Variants in MEGF10 observed in about 807,000 individuals in gnomAD.
MEGF10 encodes multiple epidermal growth factor-like domains protein 10.
MEGF10 carries 86 observed loss-of-function variants against 147.5 expected under a neutral mutation model. The observed-to-expected ratio is 0.58, with a 90% CI of 0.49 to 0.70. The LOEUF (loss-of-function observed/expected upper bound fraction) is 0.70. Ranked by LOEUF, MEGF10 falls within the 30% of genes least tolerant of loss-of-function variation. The pLI is 0.00. For synonymous variants in MEGF10, 478 were observed against 525.5 expected, an observed-to-expected ratio of 0.91 and a Z score of 1.24; for missense variants, 1,329 against 1,487.3, an observed-to-expected ratio of 0.89 and a Z score of 1.75.
At chr5:127,395,101 T>G (rs1763850321) in intron 5 of MEGF10, among the ~76,000 whole-genome samples, 2 of 152,202 alleles carry the variant, frequency 1.3e-5, no homozygotes, top group South Asian at 4.1e-4. Flanking sequence ...GCAGTTTATT[T>G]TGAGCTCTAG....
chr5:127,460,853 T>A lies in MEGF10; in HGVS notation c.*3535T>A, dbSNP rs1766534718. ...TCTTAAAGGCTTCACATCATGAAAG[T>A]GTACATGCATATGCAAGTGTGAATT... is the stretch of plus-strand genomic sequence containing the variant. On this transcript the variant is annotated 3_prime_UTR_variant, in exon 25 of 25. Transcript: ENST00000503335. 1 of 152,224 alleles carries A rather than the reference T, an allele frequency of 6.6e-6. No individual in the cohort carries two copies. The highest frequency in any genetic ancestry group is 2.4e-5 in the African/African-American group (1 of 41,458). 9.4% of individuals were successfully genotyped at this position (152,224 alleles called of 1,614,324 possible). A position where few individuals can be genotyped will look rare whatever the true frequency, so the allele number is the denominator to read the frequency against.
chr5:127,405,809 TAGC>T (rs1764300424), intron 8 of MEGF10, among the ~76,000 whole-genome samples: 1 of 152,176 alleles, frequency 6.6e-6, no homozygotes, highest in African/African-American at 2.4e-5. Context: ...TTGTTAATAG[TAGC>T]TGCTTAATTT....
intron 8 of MEGF10, among the ~76,000 whole-genome samples, chr5:127,403,912 A>G (rs1298505656): frequency 6.6e-6 from 1 of 152,248 alleles, no homozygotes; most frequent in African/African-American, 2.4e-5. Flanking sequence ...ATAGGAGTGC[A>G]GATATCACTT....
At chr5:127,328,163 CTTCTCTCCT>C (rs1306806348) in intron 1 of MEGF10, among the ~76,000 whole-genome samples, 4 of 152,116 alleles carry the variant, frequency 2.6e-5, no homozygotes, top group African/African-American at 9.7e-5. Context: ...TGTGAGATGT[CTTCTCTCCT>C]CATCGTCTAT....
At chr5:127,352,751 T>G (rs1762129718) in intron 4 of MEGF10, among the ~76,000 whole-genome samples, 1 of 152,220 alleles carries the variant, frequency 6.6e-6, no homozygotes, top group Non-Finnish European at 1.5e-5. Flanking sequence ...ACAGTGAGAC[T>G]GCCTTGTTCT....
At chr5:127,413,816 A>G (rs985611693) in intron 9 of MEGF10, among the ~76,000 whole-genome samples, 3 of 152,208 alleles carry the variant, frequency 2.0e-5, no homozygotes, top group Non-Finnish European at 4.4e-5. Flanking sequence ...TTTGGTGTCA[A>G]TCAGTCTGAA....
chr5:127,428,529 G>A (rs1330877095), intron 13 of MEGF10, among the ~76,000 whole-genome samples: 2 of 152,122 alleles, frequency 1.3e-5, no homozygotes, highest in Non-Finnish European at 2.9e-5. Flanking sequence ...ACTACACTAT[G>A]CCACTGCTTT....
chr5:127,360,647 G>A (rs925671061), intron 4 of MEGF10, among the ~76,000 whole-genome samples: 8 of 151,790 alleles, frequency 5.3e-5, no homozygotes, highest in Non-Finnish European at 1.0e-4. Flanking sequence ...TTGAGGAAAC[G>A]CCCTTCTGTT....
chr5:127,374,396 G>T (rs1366065198), intron 5 of MEGF10, among the ~76,000 whole-genome samples: 1 of 152,168 alleles, frequency 6.6e-6, no homozygotes, highest in Non-Finnish European at 1.5e-5. Flanking sequence ...TTGTAGAGCA[G>T]GCAATGAAGG....
intron 24 of MEGF10, among the ~76,000 whole-genome samples, chr5:127,456,234 A>G (rs1272430431): frequency 6.6e-6 from 1 of 152,202 alleles, no homozygotes; most frequent in Non-Finnish European, 1.5e-5. Flanking sequence ...ATTTAGCAAG[A>G]TTGAAACATT....
Position 127,383,795 on chromosome 5 carries a change from G to A in MEGF10, c.413-12737G>A, listed in dbSNP as rs567393329. 3.3e-5 allele frequency among the ~76,000 whole-genome samples: 5 copies of A among 152,306 alleles called. No homozygotes were observed. In the South Asian group the frequency reaches 1.0e-3, roughly 32 times the overall value. ...GTTCATAAACAGTTAAGTCTCTGCTGTGGGTACATGAGCCTTTGTTATAGC... is the reference window on the plus strand; with the variant it reads ...GTTCATAAACAGTTAAGTCTCTGCTATGGGTACATGAGCCTTTGTTATAGC... On this transcript the variant is annotated intron_variant, in intron 5 of 24. Coordinates refer to ENST00000503335, the MANE Select transcript of MEGF10 (RefSeq NM_001256545.2).
chr5:127,393,340 A>T (rs939249940), intron 5 of MEGF10, among the ~76,000 whole-genome samples: 2 of 152,246 alleles, frequency 1.3e-5, no homozygotes, highest in Non-Finnish European at 2.9e-5. Context: ...TCCAGTCTAG[A>T]CAAAGTCAGT....
At chr5:127,414,192 C>T (rs530189716) in intron 9 of MEGF10, among the ~76,000 whole-genome samples, 1 of 152,218 alleles carries the variant, frequency 6.6e-6, no homozygotes, top group East Asian at 1.9e-4. Context: ...TAAATCTTAG[C>T]AATTGTCCTT....
At chr5:127,393,427 A>T (rs1304384405) in intron 5 of MEGF10, among the ~76,000 whole-genome samples, 1 of 152,252 alleles carries the variant, frequency 6.6e-6, no homozygotes, top group Non-Finnish European at 1.5e-5. Context: ...ACATTTAAAA[A>T]TGGATGCATT....
At chr5:127,399,211 GA>G (rs924332168) in intron 7 of MEGF10, among the ~76,000 whole-genome samples, 2 of 151,874 alleles carry the variant, frequency 1.3e-5, no homozygotes, top group African/African-American at 4.8e-5. Context: ...AGTGTCACCT[GA>G]AAAAAAATCA....
At chr5:127,417,028 T>C (rs1035459872) in intron 9 of MEGF10, among the ~76,000 whole-genome samples, 1 of 152,224 alleles carries the variant, frequency 6.6e-6, no homozygotes, top group Non-Finnish European at 1.5e-5. Context: ...TAAGATTTTC[T>C]AGTGGTGAGA....
At chr5:127,403,251 C>G (rs568663784) in intron 8 of MEGF10, among the ~76,000 whole-genome samples, 2 of 152,248 alleles carry the variant, frequency 1.3e-5, no homozygotes, top group East Asian at 3.9e-4. Context: ...ACTGTTATCT[C>G]AGAGCGCTTT....
intron 1 of MEGF10, among the ~76,000 whole-genome samples, chr5:127,305,581 T>G (rs1210335521): frequency 2.0e-5 from 3 of 152,068 alleles, no homozygotes; most frequent in African/African-American, 7.2e-5. Flanking sequence ...AAGGCCAACC[T>G]GAAGCAAAGG....
chr5:127,264,359 G>A, the MEGF10 span, among the ~76,000 whole-genome samples: 1 of 152,098 alleles, frequency 6.6e-6, no homozygotes, highest in Non-Finnish European at 1.5e-5. Context: ...TAGTTTGTCT[G>A]ATCCCAAATT....
Sources: gnomAD v4.1 joint callset for allele counts (sites outside exome capture counted in the v4.1 genomes callset) on GRCh38, gnomAD v4.1.1 for gene constraint, MANE v1.5 for transcripts, NCBI Gene and HGNC (gene_info 2026-07-23, HGNC 2026-07-21) for gene names.